The following LAMA2 variants were observed in gnomAD, a reference collection of about 807,000 sequenced individuals.
The protein encoded by LAMA2 is laminin subunit alpha 2, also known as laminin subunit alpha-2.
Under a neutral mutation model 364.8 loss-of-function variants are expected in LAMA2, and 269 were observed. The ratio of observed to expected loss-of-function variants is 0.74; its 90% CI spans 0.67 to 0.82. The LOEUF (loss-of-function observed/expected upper bound fraction) is 0.82, where lower values mean the gene tolerates loss of function less well. LAMA2 is among the 40% of genes least tolerant of loss of function. The pLI, the probability that LAMA2 is intolerant of heterozygous loss-of-function variation, is 0.00. For missense variants in LAMA2, 3,807 were observed against 3,873.2 expected (o/e 0.98, Z 0.45); for synonymous variants, 1,379 against 1,370.6 (o/e 1.01, Z -0.14).
chr6:128,925,309 C>G (rs574927795), intron 1 of LAMA2, among the ~76,000 whole-genome samples: 1 of 152,190 alleles, frequency 6.6e-6, no homozygotes, highest in East Asian at 1.9e-4. Flanking sequence ...TGCATGTATA[C>G]GATGGAACAT....
intron 12 of LAMA2, among the ~76,000 whole-genome samples, chr6:129,200,403 T>A (rs1363111911): frequency 6.7e-6 from 1 of 149,726 alleles, no homozygotes; most frequent in Non-Finnish European, 1.5e-5. Flanking sequence ...TATATACATG[T>A]ACACATATAC....
intron 61 of LAMA2, among the ~76,000 whole-genome samples, chr6:129,506,356 AAAATAAAT>A (rs920313711): frequency 6.6e-6 from 1 of 152,082 alleles, no homozygotes; most frequent in Non-Finnish European, 1.5e-5. Context: ...CTGTCTCAAA[AAAATAAAT>A]AAATAAATAA....
At chr6:129,268,343 G>C (rs1352426779) in intron 16 of LAMA2, among the ~76,000 whole-genome samples, 1 of 151,330 alleles carries the variant, frequency 6.6e-6, no homozygotes, top group Non-Finnish European at 1.5e-5. Flanking sequence ...AATGTACTTT[G>C]GGAAAAATAT....
At chr6:129,264,332 T>C (rs1054725222) in intron 15 of LAMA2, among the ~76,000 whole-genome samples, 5 of 152,002 alleles carry the variant, frequency 3.3e-5, no homozygotes, top group Non-Finnish European at 5.9e-5. Flanking sequence ...GTTTGAATGA[T>C]TGATCAGTTG....
chr6:128,994,528 A>G (rs1783805801), intron 1 of LAMA2, among the ~76,000 whole-genome samples: 1 of 152,210 alleles, frequency 6.6e-6, no homozygotes, highest in African/African-American at 2.4e-5. Context: ...TTGAACCTGT[A>G]TAGGTTTATC....
At chr6:129,222,136 G>C (rs183535179) in intron 12 of LAMA2, among the ~76,000 whole-genome samples, 5 of 152,266 alleles carry the variant, frequency 3.3e-5, no homozygotes, top group Admixed American at 2.6e-4. Context: ...TCAACTTCTT[G>C]GGTTGGGTAG....
intron 5 of LAMA2, among the ~76,000 whole-genome samples, chr6:129,145,179 T>G (rs923429614): frequency 1.3e-5 from 2 of 152,018 alleles, no homozygotes; most frequent in Non-Finnish European, 1.5e-5. Flanking sequence ...CCGTCATCGG[T>G]TGCAAAATTG....
intron 40 of LAMA2, among the ~76,000 whole-genome samples, chr6:129,423,085 A>G (rs1583711372): frequency 1.3e-5 from 2 of 152,102 alleles, no homozygotes; most frequent in East Asian, 3.8e-4. Context: ...AAAGCAAACT[A>G]TATAATCACC....
intron 23 of LAMA2, 88 bp downstream of exon 23, chr6:129,313,185 C>A (rs1774341085): frequency 2.5e-6 from 2 of 789,920 alleles, no homozygotes; most frequent in Non-Finnish European, 4.2e-6. Flanking sequence ...GTTTGTTATA[C>A]CTGCTTCATT....
rs539751436 is a variant in LAMA2 at position 129,122,730 on chromosome 6, C to T, written c.640-21171C>T. Among the ~76,000 whole-genome samples the T allele has an allele frequency of 5.9e-5, 9 of 152,194 alleles. No homozygotes were observed. In the East Asian group the frequency reaches 1.4e-3, roughly 23 times the overall value. ...CCGGTTCCCCCACATAGCTCCACCC[C>T]GCTAACTCCCAACCTCATGCATAGC... is the stretch of plus-strand genomic sequence containing the variant. On this transcript the variant is annotated intron_variant, in intron 4 of 64. Transcript: ENST00000421865.
At chr6:129,453,190 C>T (rs753946961) in intron 46 of LAMA2, 59 bp downstream of exon 46, 12 of 1,480,820 alleles carry the variant, frequency 8.1e-6, no homozygotes, top group Non-Finnish European at 1.1e-5. Flanking sequence ...AGAGGTTAAT[C>T]TGAAAATGTA....
chr6:128,991,231 T>TC (rs2114660289), intron 1 of LAMA2, among the ~76,000 whole-genome samples: 1 of 152,320 alleles, frequency 6.6e-6, no homozygotes, highest in East Asian at 1.9e-4. Flanking sequence ...ATTTGCTTCC[T>TC]CCTTTTTTTC....
At chr6:129,157,373 C>G in intron 8 of LAMA2, 1 of 867,826 alleles carries the variant, frequency 1.2e-6, no homozygotes, top group Non-Finnish European at 1.8e-6. Context: ...AATAAGAGTA[C>G]TGAAAGGTTT....
At position 129,464,288 on chromosome 6, in the gene LAMA2, A is replaced by C. The variant is rs200669208; in HGVS notation, c.6993-2A>C. The C allele has an allele frequency of 5.6e-6, 9 of 1,610,460 alleles. No homozygotes were observed. Among genetic ancestry groups the C allele is most frequent in the Non-Finnish European group, 7.6e-6 (9 of 1,177,238 alleles). ...ATTCATGTGAAATGTCTCTCTTCTCAGTCCTCAGGTGGAAGATAGTGAGGG... is the reference window on the plus strand; with the variant it reads ...ATTCATGTGAAATGTCTCTCTTCTCCGTCCTCAGGTGGAAGATAGTGAGGG... On this transcript the variant is annotated splice_acceptor_variant, in intron 49 of 64. Transcript: ENST00000421865. LOFTEE classifies it high-confidence loss of function.
intron 3 of LAMA2, among the ~76,000 whole-genome samples, chr6:129,069,002 T>G (rs1773125741): frequency 6.6e-6 from 1 of 152,148 alleles, no homozygotes; most frequent in Non-Finnish European, 1.5e-5. Context: ...AGCAATACCA[T>G]GAAAATGTAA....
At chr6:129,438,457 C>T (rs1292505783) in intron 41 of LAMA2, among the ~76,000 whole-genome samples, 189 bp from the exon 42 acceptor site, 1 of 151,600 alleles carries the variant, frequency 6.6e-6, no homozygotes, top group African/African-American at 2.4e-5. Flanking sequence ...TCCAATAATT[C>T]AATGATAATA....
chr6:128,950,544 A>T (rs536594271), intron 1 of LAMA2, among the ~76,000 whole-genome samples: 1 of 152,146 alleles, frequency 6.6e-6, no homozygotes, highest in Non-Finnish European at 1.5e-5. Context: ...TGCCCACGTC[A>T]GTGACAGATA....
chr6:128,983,302 A>G (rs1783012769), intron 1 of LAMA2, among the ~76,000 whole-genome samples: 1 of 151,982 alleles, frequency 6.6e-6, no homozygotes, highest in Non-Finnish European at 1.5e-5. Context: ...AATGATTGCC[A>G]TTCTAACTGG....
rs556074320 is a variant in LAMA2 at position 129,393,079 on chromosome 6, C to T, written c.5269C>T (p.Leu1757=). 3.1e-6 allele frequency: 5 copies of T among 1,613,816 alleles called. No homozygotes were observed. The East Asian group carries it at 8.9e-5, about 29-fold the overall frequency. The change falls in exon 37 of 65, where the codon CTG becomes TTG. Residue 1757 remains leucine, a synonymous_variant. Coordinates refer to ENST00000421865, the MANE Select transcript of LAMA2 (RefSeq NM_000426.4). ...AEALLKKVKK[L]FGESRGENEE... is the part of the protein sequence containing the mutation. ...AGCCCTTCTGAAAAAAGTGAAGAAGCTGTTTGGAGAGTCCCGGGGGGAAAA... is the reference window on the plus strand; with the variant it reads ...AGCCCTTCTGAAAAAAGTGAAGAAGTTGTTTGGAGAGTCCCGGGGGGAAAA...
Sources: allele counts gnomAD v4.1 joint callset (sites outside exome capture counted in the v4.1 genomes callset), GRCh38; gene constraint gnomAD v4.1.1; transcripts MANE v1.5; gene names NCBI Gene and HGNC (gene_info 2026-07-23, HGNC 2026-07-21).